FMN1: variants seen among roughly 807,000 people sequenced by gnomAD.
FMN1 encodes formin 1, also known as formin-1.
In FMN1, 110 loss-of-function variants were observed where a neutral mutation model predicts 132.4. That is an observed-to-expected ratio of 0.83 (90% confidence interval 0.71 to 0.97). FMN1 has a LOEUF of 0.97. Among genes scored for constraint, FMN1 ranks in the 50% least tolerant of loss-of-function variants. The pLI, the probability that FMN1 is intolerant of heterozygous loss-of-function variation, is 0.00. For synonymous variants in FMN1, 722 were observed against 651.7 expected (o/e 1.11, Z -1.64); for missense variants, 1,792 against 1,705.3 (o/e 1.05, Z -0.90).
intron 17 of FMN1, among the ~76,000 whole-genome samples, chr15:32,807,455 T>C (rs1402563433): frequency 6.6e-6 from 1 of 152,210 alleles, no homozygotes; most frequent in Non-Finnish European, 1.5e-5. Flanking sequence ...AACAAACTAG[T>C]GATCTGTTCT....
rs138000922 is a variant in FMN1, at chr15:33,120,243, G to A, written c.1868-31269C>T. ...GGCTTTGAAGAACATTAAACATAAG[G>A]CAATTACAAAATAATTTGTTTACAA... On this transcript the variant is annotated intron_variant, in intron 4 of 20. Transcript: ENST00000616417. Among the ~76,000 whole-genome samples, 299 of 152,204 alleles carry A rather than the reference G, an allele frequency of 2.0e-3. 1 individual carries two copies. The highest frequency in any genetic ancestry group is 6.9e-3 in the African/African-American group (288 of 41,544).
chr15:33,128,087 C>A (rs1389176750), intron 4 of FMN1, among the ~76,000 whole-genome samples: 1 of 151,976 alleles, frequency 6.6e-6, no homozygotes, highest in East Asian at 1.9e-4. Flanking sequence ...AGAAGAAAAC[C>A]AAGAATGAGG....
intron 17 of FMN1, among the ~76,000 whole-genome samples, chr15:32,824,200 G>A (rs925672247): frequency 8.3e-4 from 127 of 152,322 alleles, no homozygotes; most frequent in African/African-American, 2.8e-3. Context: ...TTTAATAACT[G>A]TGAGTACTAT....
chr15:32,818,988 C>A (rs942024302), intron 17 of FMN1, among the ~76,000 whole-genome samples: 4 of 151,032 alleles, frequency 2.6e-5, no homozygotes, highest in Non-Finnish European at 5.9e-5. Flanking sequence ...GGAGAAAAAC[C>A]ATAGCATTAC....
At chr15:32,885,507 A>G (rs2059875598) in intron 16 of FMN1, among the ~76,000 whole-genome samples, 1 of 152,200 alleles carries the variant, frequency 6.6e-6, no homozygotes, top group Admixed American at 6.5e-5. Context: ...AAATTACTTG[A>G]GCACCACAAA....
At chr15:32,939,330 G>A (rs1028282322) in intron 9 of FMN1, among the ~76,000 whole-genome samples, 5 of 152,006 alleles carry the variant, frequency 3.3e-5, no homozygotes, top group African/African-American at 7.3e-5. Flanking sequence ...ACCCATTACC[G>A]AAGAATTTAT....
At chr15:33,024,286 G>A (rs1232629864) in intron 6 of FMN1, among the ~76,000 whole-genome samples, 6 of 125,350 alleles carry the variant, frequency 4.8e-5, no homozygotes, top group African/African-American at 1.2e-4. Flanking sequence ...TCGCTCTGTC[G>A]CCCAGGCTGG....
chr15:33,152,743 T>C (rs1964488562), intron 4 of FMN1, among the ~76,000 whole-genome samples: 1 of 137,548 alleles, frequency 7.3e-6, no homozygotes, highest in South Asian at 2.3e-4. Context: ...TGTTTTCCTT[T>C]GAGAGTCACT....
chr15:33,037,298 C>G (rs1335382953), intron 6 of FMN1, among the ~76,000 whole-genome samples: 2 of 149,024 alleles, frequency 1.3e-5, no homozygotes, highest in Admixed American at 6.6e-5. Flanking sequence ...AGTTCCCAGT[C>G]TCCTGCACAG....
At chr15:33,118,676 AG>A (rs1046714604) in intron 4 of FMN1, among the ~76,000 whole-genome samples, 34 of 152,270 alleles carry the variant, frequency 2.2e-4, no homozygotes, top group African/African-American at 7.7e-4. Context: ...AAATACAAAA[AG>A]CATGATTTAA....
chr15:32,916,683 T>C (rs926287623), intron 10 of FMN1, among the ~76,000 whole-genome samples: 1 of 152,182 alleles, frequency 6.6e-6, no homozygotes, highest in African/African-American at 2.4e-5. Flanking sequence ...AGCGGGTATG[T>C]AATAATGTTT....
chr15:33,138,486 C>T (rs1378792536), intron 4 of FMN1, among the ~76,000 whole-genome samples: 1 of 152,130 alleles, frequency 6.6e-6, no homozygotes, highest in African/African-American at 2.4e-5. Context: ...TCAACGTTCC[C>T]AGCGAGATAC....
At chr15:33,116,320 G>A (rs1186143510) in intron 4 of FMN1, among the ~76,000 whole-genome samples, 2 of 152,056 alleles carry the variant, frequency 1.3e-5, no homozygotes, top group East Asian at 1.9e-4. Context: ...TTCATCCAAG[G>A]ACAAGCTTTG....
chr15:33,081,971 G>A (rs1230138167), intron 5 of FMN1, among the ~76,000 whole-genome samples: 1 of 152,026 alleles, frequency 6.6e-6, no homozygotes, highest in Non-Finnish European at 1.5e-5. Flanking sequence ...CAGGTGAGAA[G>A]GGGATTGTGA....
intron 6 of FMN1, among the ~76,000 whole-genome samples, chr15:33,016,434 CCT>C (rs1342807597): frequency 1.3e-5 from 2 of 152,326 alleles, no homozygotes; most frequent in East Asian, 1.9e-4. Context: ...CCCTGCGAGT[CCT>C]CTGTTTCCCT....
intron 5 of FMN1, among the ~76,000 whole-genome samples, chr15:33,083,505 A>G (rs980532108): frequency 6.6e-6 from 1 of 152,186 alleles, no homozygotes; most frequent in East Asian, 1.9e-4. Flanking sequence ...CTAATCACCA[A>G]TGTAATGAAA....
chr15:33,115,696 G>A lies in FMN1; in HGVS notation c.1868-26722C>T, dbSNP rs562655691. ...ATTCTTGCCTGTTTCCTCTAAACCTGTTCTTCCTCACCCTTCCTGCCTCTC... is the reference window on the plus strand; with the variant it reads ...ATTCTTGCCTGTTTCCTCTAAACCTATTCTTCCTCACCCTTCCTGCCTCTC... On this transcript the variant is annotated intron_variant, in intron 4 of 20. Coordinates refer to ENST00000616417, the MANE Select transcript of FMN1 (RefSeq NM_001277313.2). 7.6e-4 allele frequency among the ~76,000 whole-genome samples: 115 copies of A among 152,128 alleles called. No homozygotes were observed. The South Asian group carries it at 0.014, about 18-fold the overall frequency.
chr15:32,902,013 A>G lies in FMN1; in HGVS notation c.3405T>C (p.Pro1135=). Residue 1135 remains proline, a synonymous_variant, in exon 13 of 21, where the codon CCT becomes CCC. Coordinates refer to ENST00000616417, the MANE Select transcript of FMN1 (RefSeq NM_001277313.2). ...TGCACTGGGCACGTTCAGCAAAATT[A>G]GGAATCTGGGCTAACTCATGTAAAA... ...EQFLHELAQI[P]NFAERAQCII... is the part of the protein sequence containing the mutation. The G allele has an allele frequency of 6.2e-7, 1 of 1,613,152 alleles. No homozygotes were observed. Among genetic ancestry groups the G allele is most frequent in the East Asian group, 2.2e-5 (1 of 44,852 alleles).
intron 4 of FMN1, chr15:33,151,265 C>A (rs922232280): frequency 3.3e-6 from 5 of 1,536,054 alleles, no homozygotes; most frequent in African/African-American, 1.4e-5. Flanking sequence ...CTCTTACCCA[C>A]TTCTACTCTC....
Sources: allele counts gnomAD v4.1 joint callset (sites outside exome capture counted in the v4.1 genomes callset), GRCh38; gene constraint gnomAD v4.1.1; transcripts MANE v1.5; gene names NCBI Gene and HGNC (gene_info 2026-07-23, HGNC 2026-07-21).